Variants in TXNDC15 observed in about 807,000 individuals in gnomAD.
The protein encoded by TXNDC15 is thioredoxin domain containing 15, also known as thioredoxin domain-containing protein 15.
Under a neutral mutation model 35.0 loss-of-function variants are expected in TXNDC15, and 24 were observed. That is an observed-to-expected ratio of 0.68 (90% CI 0.50 to 0.96). The LOEUF is 0.96. TXNDC15 is among the 40% of genes least tolerant of loss of function. The pLI is 0.00. For missense variants in TXNDC15, 385 were observed against 453.3 expected (o/e 0.85, Z 1.37); for synonymous variants, 169 against 174.0 (o/e 0.97, Z 0.23).
intron 1 of TXNDC15, among the ~76,000 whole-genome samples, chr5:134,885,997 G>A (rs543917098): frequency 6.6e-6 from 1 of 152,302 alleles, no homozygotes; most frequent in African/African-American, 2.4e-5. Context: ...TAGGGTAACT[G>A]TAGTTCATAA....
intron 1 of TXNDC15, among the ~76,000 whole-genome samples, chr5:134,886,760 C>T (rs949849727): frequency 9.9e-5 from 15 of 152,226 alleles, no homozygotes; most frequent in Admixed American, 9.2e-4. Context: ...TCAGCATCCC[C>T]GAGGTATCAT....
chr5:134,874,372 T>A lies in TXNDC15; in HGVS notation c.-56T>A. ...CCAGGCTCTCCTCCCCCAGCCTTCC[T>A]CCGGCTGGCAGCACGACTCGCGTAG... On this transcript the variant is annotated 5_prime_UTR_variant, in exon 1 of 5. Transcript: ENST00000358387. The A allele has an allele frequency of 2.0e-6, 3 of 1,475,184 alleles. No homozygotes were observed. In the Admixed American group the frequency reaches 6.1e-5, roughly 30 times the overall value. 91.4% of individuals were successfully genotyped at this position (1,475,184 alleles called of 1,614,324 possible). A position where few individuals can be genotyped will look rare whatever the true frequency, so the allele number is the denominator to read the frequency against.
chr5:134,899,461 G>A (rs1394372435), intron 4 of TXNDC15, 28 bp from the exon 5 acceptor site: 26 of 1,598,136 alleles, frequency 1.6e-5, no homozygotes, highest in Non-Finnish European at 2.1e-5. Flanking sequence ...TTTTCTGCCT[G>A]ATTTGAAACC....
intron 3 of TXNDC15, among the ~76,000 whole-genome samples, chr5:134,895,601 A>G (rs575047607): frequency 1.3e-5 from 2 of 152,340 alleles, no homozygotes; most frequent in East Asian, 3.9e-4. Flanking sequence ...TGTGTACAAA[A>G]GAAAAAAATC....
intron 1 of TXNDC15, among the ~76,000 whole-genome samples, chr5:134,881,769 C>T (rs1750150910): frequency 6.8e-6 from 1 of 147,418 alleles, no homozygotes. Flanking sequence ...GGCGGCCGGG[C>T]AGAGGCGCCC....
At chr5:134,890,535 C>T (rs753442653) in intron 2 of TXNDC15, among the ~76,000 whole-genome samples, 10 of 151,912 alleles carry the variant, frequency 6.6e-5, no homozygotes, top group East Asian at 1.9e-4. Context: ...AGCCTCTCGC[C>T]GAATAACTGG....
At chr5:134,882,185 C>T (rs1447864092) in intron 1 of TXNDC15, among the ~76,000 whole-genome samples, 2 of 148,960 alleles carry the variant, frequency 1.3e-5, no homozygotes, top group African/African-American at 2.5e-5. Context: ...CGGGCAGAGA[C>T]GCTCCTCACA....
At chr5:134,874,636 T>A in intron 1 of TXNDC15, 106 bp downstream of exon 1, 1 of 878,002 alleles carries the variant, frequency 1.1e-6, no homozygotes, top group Non-Finnish European at 1.7e-6. Context: ...ACTCGCCCCT[T>A]CTTGGCGTCT....
At position 134,874,949 on chromosome 5, in the gene TXNDC15, C is replaced by T. The variant is rs1249160619; in HGVS notation, c.103+419C>T. Reference sequence around the variant, plus strand: ...ATTTACATCATTATCCCATTTAATGCTCCCACAAACCCTGTCAGATCGGTT... The same window carrying T: ...ATTTACATCATTATCCCATTTAATGTTCCCACAAACCCTGTCAGATCGGTT... On this transcript the variant is annotated intron_variant, in intron 1 of 4. Transcript: ENST00000358387. 3.0e-5 allele frequency: 11 copies of T among 362,714 alleles called. No individual in the cohort carries two copies. In the Admixed American group the frequency reaches 4.1e-4, roughly 14 times the overall value. 22.5% of individuals were successfully genotyped at this position (362,714 alleles called of 1,614,324 possible).
chr5:134,876,287 A>C (rs1459990597), intron 1 of TXNDC15, among the ~76,000 whole-genome samples: 1 of 152,170 alleles, frequency 6.6e-6, no homozygotes, highest in African/African-American at 2.4e-5. Flanking sequence ...TTGTGTTGGA[A>C]TGAGGGGAGA....
chr5:134,884,664 C>T (rs1042346268), intron 1 of TXNDC15, among the ~76,000 whole-genome samples: 4 of 151,172 alleles, frequency 2.6e-5, no homozygotes, highest in African/African-American at 4.9e-5. Flanking sequence ...CCTCCCAGGT[C>T]GATTTGATAT....
Position 134,893,496 on chromosome 5 carries a change from T to A in TXNDC15, c.596T>A (p.Leu199His), listed in dbSNP as rs762584558. Residue 199 changes from leucine (L) to histidine (H), a missense_variant, in exon 3 of 5, where the codon CTT becomes CAT. By Grantham distance (99) the Leu-to-His change is moderately conservative. Transcript: ENST00000358387. The stretch of plus-strand genomic sequence containing the variant: ...TGCTTGTTTCTTTTACCACAGGACC[T>A]TATGGATTTTCTGAACCCAAACGGT... ...TLKILNMSQD[L>H]MDFLNPNGSD... The A allele has an allele frequency of 9.9e-6, 16 of 1,614,222 alleles. No homozygotes were observed. The highest frequency in any genetic ancestry group is 1.4e-5 in the Non-Finnish European group (16 of 1,180,034).
In TXNDC15 at chr5:134,874,403, C is replaced by G; in HGVS notation, c.-25C>G. On this transcript the variant is annotated 5_prime_UTR_variant, in exon 1 of 5. Coordinates refer to ENST00000358387, the MANE Select transcript of TXNDC15 (RefSeq NM_024715.4). ...TGGCAGCACGACTCGCGTAGCCGTG[C>G]GCCGATTGCCTCTCGGCCTGGGCAA... 1 of 1,570,934 alleles carries G rather than the reference C, an allele frequency of 6.4e-7. No homozygotes were observed. The highest frequency in any genetic ancestry group is 8.6e-7 in the Non-Finnish European group (1 of 1,163,018).
intron 2 of TXNDC15, among the ~76,000 whole-genome samples, chr5:134,889,292 T>G (rs940615992): frequency 1.3e-5 from 2 of 152,194 alleles, no homozygotes; most frequent in Non-Finnish European, 2.9e-5. Flanking sequence ...TGGGATGATC[T>G]GGGTTCACTG....
Position 134,896,391 on chromosome 5 carries a change from G to A in TXNDC15, c.853G>A (p.Glu285Lys). ...ATTTAATCATACAGATCGAACACTGGAAACACTGAAAATCTTCATTTTTAA... is the reference window on the plus strand; with the variant it reads ...ATTTAATCATACAGATCGAACACTGAAAACACTGAAAATCTTCATTTTTAA... ...ARFNHTDRTL[E>K]TLKIFIFNQT... The change falls in exon 4 of 5, where the codon GAA (glutamate) becomes AAA (lysine). Residue 285 changes from glutamate (E) to lysine (K), a missense_variant. Physicochemically the swap from Glu to Lys is moderately conservative, Grantham distance 56. Coordinates refer to ENST00000358387, the MANE Select transcript of TXNDC15 (RefSeq NM_024715.4). 6.2e-7 allele frequency: 1 copy of A among 1,613,674 alleles called. No individual in the cohort carries two copies. Among genetic ancestry groups the A allele is most frequent in the East Asian group, 2.2e-5 (1 of 44,856 alleles).
chr5:134,875,115 C>G (rs933649864), intron 1 of TXNDC15: 1 of 456,126 alleles, frequency 2.2e-6, no homozygotes, highest in Non-Finnish European at 4.4e-6. Context: ...CTTAAGGAGG[C>G]CAGTCTTGCT....
At chr5:134,885,888 T>C (rs1750266247) in intron 1 of TXNDC15, among the ~76,000 whole-genome samples, 1 of 152,256 alleles carries the variant, frequency 6.6e-6, no homozygotes, top group South Asian at 2.1e-4. Context: ...AATCTGGTTC[T>C]TGTTACTCCA....
At chr5:134,874,293 G>A, upstream of TXNDC15, 2 of 691,122 alleles carry the variant, frequency 2.9e-6, no homozygotes, top group Non-Finnish European at 2.3e-6. Context: ...CCAAGATGGC[G>A]CCCGCCACAG....
At position 134,899,897 on chromosome 5, in the gene TXNDC15, T is replaced by G; in HGVS notation, c.*212T>G. ...AGCAAATGCAAAAATATTCAATAGA[T>G]GCACTATTCTTGTTTTTACTGCATG... On this transcript the variant is annotated 3_prime_UTR_variant, in exon 5 of 5. Coordinates refer to ENST00000358387, the MANE Select transcript of TXNDC15 (RefSeq NM_024715.4). 2.1e-6 allele frequency: 1 copy of G among 474,870 alleles called. No homozygotes were observed. The highest frequency in any genetic ancestry group is 3.7e-6 in the Non-Finnish European group (1 of 272,920). The allele number at this position is 474,870 out of a possible 1,614,324, so 29.4% of individuals were successfully genotyped here.
Sources: gnomAD v4.1 joint callset for allele counts (sites outside exome capture counted in the v4.1 genomes callset) on GRCh38, gnomAD v4.1.1 for gene constraint, MANE v1.5 for transcripts, NCBI Gene and HGNC (gene_info 2026-07-23, HGNC 2026-07-21) for gene names.